The following CALN1 variants were observed in gnomAD, a reference collection of about 807,000 sequenced individuals.
The protein encoded by CALN1 is calneuron 1.
In CALN1, 17 loss-of-function variants were observed where a neutral mutation model predicts 30.6. That is an observed-to-expected ratio of 0.56 (90% CI 0.38 to 0.83). The LOEUF is 0.83. CALN1 is among the 40% of genes least tolerant of loss of function. The probability of loss-of-function intolerance (pLI) is 0.00; values close to 1 mark genes in which losing one functional copy is unlikely to be tolerated. For missense variants in CALN1, 291 were observed against 354.9 expected, an observed-to-expected ratio of 0.82 and a Z score of 1.45; for synonymous variants, 156 against 131.4, an observed-to-expected ratio of 1.19 and a Z score of -1.28.
chr7:72,015,684 G>A (rs1800338260), intron 5 of CALN1, among the ~76,000 whole-genome samples: 1 of 152,038 alleles, frequency 6.6e-6, no homozygotes, highest in South Asian at 2.1e-4. Context: ...GCTCAAGAGA[G>A]CCTCCCACCT....
intron 4 of CALN1, among the ~76,000 whole-genome samples, chr7:72,034,271 G>A (rs2190303): frequency 2.0e-5 from 3 of 150,120 alleles, no homozygotes; most frequent in Non-Finnish European, 3.0e-5. Context: ...CGAGAATGGC[G>A]TGAACCCAGG....
intron 2 of CALN1, among the ~76,000 whole-genome samples, chr7:72,289,265 C>T (rs749736769): frequency 3.9e-5 from 6 of 152,104 alleles, no homozygotes; most frequent in Non-Finnish European, 7.4e-5. Flanking sequence ...ATTAGATGTA[C>T]GTTGGACCTC....
At chr7:72,348,638 G>C (rs997613493) in intron 2 of CALN1, among the ~76,000 whole-genome samples, 6 of 152,232 alleles carry the variant, frequency 3.9e-5, no homozygotes, top group African/African-American at 1.4e-4. Context: ...GGCAAGTTCT[G>C]ATGATCCTGA....
At chr7:72,077,057 A>G (rs1413108974) in intron 4 of CALN1, among the ~76,000 whole-genome samples, 1 of 152,014 alleles carries the variant, frequency 6.6e-6, no homozygotes, top group Admixed American at 6.6e-5. Context: ...TTTGATACAC[A>G]AATTTCTTTC....
At chr7:71,971,482 C>T (rs970166865) in intron 5 of CALN1, among the ~76,000 whole-genome samples, 5 of 151,868 alleles carry the variant, frequency 3.3e-5, no homozygotes, top group Non-Finnish European at 7.4e-5. Flanking sequence ...CAAAAAACCC[C>T]GAATATTTAC....
chr7:71,970,300 T>C (rs144639951), intron 5 of CALN1, among the ~76,000 whole-genome samples: 9 of 152,304 alleles, frequency 5.9e-5, no homozygotes, highest in Non-Finnish European at 8.8e-5. Flanking sequence ...AAATGATTGC[T>C]TCCTTCCAAT....
intron 6 of CALN1, among the ~76,000 whole-genome samples, chr7:71,799,556 C>G (rs927945823): frequency 1.3e-5 from 2 of 152,054 alleles, no homozygotes; most frequent in African/African-American, 4.8e-5. Flanking sequence ...ACCTCCACCT[C>G]CTGGATTCAA....
chr7:72,289,566 C>T (rs1021453638), intron 2 of CALN1, among the ~76,000 whole-genome samples: 5 of 152,084 alleles, frequency 3.3e-5, no homozygotes, highest in Non-Finnish European at 7.4e-5. Flanking sequence ...AGGACCAATT[C>T]CAAGCTCCCA....
chr7:72,338,219 T>C (rs1214218084), intron 2 of CALN1, among the ~76,000 whole-genome samples: 2 of 152,086 alleles, frequency 1.3e-5, no homozygotes, highest in Non-Finnish European at 2.9e-5. Flanking sequence ...AGGCTAGTCC[T>C]TCCTTACAGC....
chr7:72,437,382 G>T lies in CALN1; in HGVS notation c.-226+9660C>A, dbSNP rs553117561. 1.2e-4 allele frequency among the ~76,000 whole-genome samples: 19 copies of T among 152,278 alleles called. No individual in the cohort carries two copies. The East Asian group carries it at 2.3e-3, about 19-fold the overall frequency. On this transcript the variant is annotated intron_variant, in intron 1 of 6. Coordinates refer to the CALN1 transcript ENST00000395276. ...ATAAAGTTGACAGATTACAGACAGT[G>T]CCCCTTTCACTAGAGAGAAGCCTGA...
intron 3 of CALN1, among the ~76,000 whole-genome samples, chr7:72,267,841 T>C (rs1405102829): frequency 6.6e-6 from 1 of 152,222 alleles, no homozygotes; most frequent in African/African-American, 2.4e-5. Flanking sequence ...ACCTCGTCTT[T>C]GCTAAAAATT....
chr7:72,173,453 T>C (rs1422504518), intron 3 of CALN1, among the ~76,000 whole-genome samples: 1 of 152,130 alleles, frequency 6.6e-6, no homozygotes, highest in African/African-American at 2.4e-5. Context: ...CATTGACAAT[T>C]TGGATTCTAA....
At chr7:72,484,948 T>C in the CALN1 span, among the ~76,000 whole-genome samples, 1 of 152,196 alleles carries the variant, frequency 6.6e-6, no homozygotes, top group Non-Finnish European at 1.5e-5. Flanking sequence ...ATCTGATCTC[T>C]GTTCTTTTAC....
the CALN1 span, among the ~76,000 whole-genome samples, chr7:72,484,394 G>A: frequency 6.6e-6 from 1 of 152,124 alleles, no homozygotes; most frequent in African/African-American, 2.4e-5. Context: ...GTTGAGGAAA[G>A]ACCTGTGAAC....
intron 3 of CALN1, among the ~76,000 whole-genome samples, chr7:72,196,170 C>T (rs1790985616): frequency 6.6e-6 from 1 of 151,682 alleles, no homozygotes; most frequent in Non-Finnish European, 1.5e-5. Context: ...TCCAGTGGAG[C>T]GCAGTGGCGA....
intron 5 of CALN1, among the ~76,000 whole-genome samples, chr7:72,006,161 T>C (rs188936126): frequency 4.2e-4 from 64 of 152,268 alleles, no homozygotes; most frequent in Middle Eastern, 3.4e-3. Context: ...AGTGCCAGAT[T>C]TAACAGACAT....
intron 3 of CALN1, among the ~76,000 whole-genome samples, chr7:72,110,058 C>A (rs537988271): frequency 6.6e-6 from 1 of 152,326 alleles, no homozygotes; most frequent in Admixed American, 6.5e-5. Flanking sequence ...CTTCCCAAGG[C>A]ATCATCTCCA....
At chr7:72,414,103 G>A (rs981915348), upstream of CALN1, among the ~76,000 whole-genome samples, 1 of 152,034 alleles carries the variant, frequency 6.6e-6, no homozygotes, top group Non-Finnish European at 1.5e-5. Context: ...CGCCAAGCAG[G>A]AGCAGTGAGG....
intron 3 of CALN1, among the ~76,000 whole-genome samples, chr7:72,223,453 C>T (rs1275324027): frequency 6.6e-6 from 1 of 152,070 alleles, no homozygotes; most frequent in Non-Finnish European, 1.5e-5. Context: ...ATATGGCTTA[C>T]AGGGTAAAAA....
Sources: gnomAD v4.1 joint callset for allele counts (sites outside exome capture counted in the v4.1 genomes callset) on GRCh38, gnomAD v4.1.1 for gene constraint, MANE v1.5 for transcripts, NCBI Gene and HGNC (gene_info 2026-07-23, HGNC 2026-07-21) for gene names.